ADAM18: variants seen among roughly 807,000 people sequenced by gnomAD.
ADAM18 encodes the protein disintegrin and metalloproteinase domain-containing protein 18.
ADAM18 carries 117 observed loss-of-function variants against 94.4 expected under a neutral mutation model. That is an observed-to-expected ratio of 1.24 (90% CI 1.07 to 1.45). The LOEUF (loss-of-function observed/expected upper bound fraction) is 1.45, where lower values mean the gene tolerates loss of function less well. ADAM18 is among the 40% of genes most tolerant of loss of function. The pLI, the probability that ADAM18 is intolerant of heterozygous loss-of-function variation, is 0.00. For missense variants in ADAM18, 936 were observed against 880.0 expected (o/e 1.06, Z -0.81); for synonymous variants, 327 against 291.6 (o/e 1.12, Z -1.24).
At chr8:39,705,223 C>A (rs113299684) in intron 17 of ADAM18, among the ~76,000 whole-genome samples, 48 of 151,970 alleles carry the variant, frequency 3.2e-4, no homozygotes, top group Non-Finnish European at 6.5e-4. Context: ...AGAATTATTG[C>A]CAGGTTTGTG....
chr8:39,711,147 C>T (rs1050496221), intron 18 of ADAM18, among the ~76,000 whole-genome samples: 18 of 152,134 alleles, frequency 1.2e-4, no homozygotes, highest in African/African-American at 3.6e-4. Context: ...ATTACCTGAA[C>T]AAAAACTCTG....
rs1293727770 is a variant in ADAM18 at position 39,586,793 on chromosome 8, T to TATC, written c.132+1442_132+1444dup. Among the ~76,000 whole-genome samples the TATC allele has an allele frequency of 2.3e-4, 32 of 136,232 alleles. No individual in the cohort carries two copies. The South Asian group carries it at 4.9e-3, about 21-fold the overall frequency. 89.4% of individuals were successfully genotyped at this position (136,232 alleles called of 152,430 possible). On this transcript the variant is annotated intron_variant, in intron 2 of 19. Coordinates refer to ENST00000265707, the MANE Select transcript of ADAM18 (RefSeq NM_014237.3). Reference sequence around the variant, plus strand: ...CTATCTATCTATCTATCTATCTATCTATCTATCTATATCTATCTATCTATC... The same window carrying TATC: ...CTATCTATCTATCTATCTATCTATCTATCATCTATCTATATCTATCTATCTATC...
chr8:39,701,720 A>G lies in ADAM18; in HGVS notation c.1903-5070A>G, dbSNP rs189689367. On this transcript the variant is annotated intron_variant, in intron 17 of 19. Transcript: ENST00000265707. ...TGTTGTCATCATTTCGTTCCCACTT[A>G]TAAGTGAGAACGTGTGGTATTTGAT... 3.0e-3 allele frequency among the ~76,000 whole-genome samples: 459 copies of G among 152,168 alleles called. 2 individuals are homozygous for G. The highest frequency in any genetic ancestry group is 0.011 in the African/African-American group (444 of 41,510).
At chr8:39,649,180 G>A (rs920083431) in intron 12 of ADAM18, among the ~76,000 whole-genome samples, 4 of 151,802 alleles carry the variant, frequency 2.6e-5, no homozygotes, top group Non-Finnish European at 5.9e-5. Context: ...ACAGTTACAC[G>A]AATTCCTCCT....
chr8:39,671,574 T>C (rs1046454946), intron 14 of ADAM18, among the ~76,000 whole-genome samples: 3 of 152,128 alleles, frequency 2.0e-5, no homozygotes, highest in African/African-American at 7.2e-5. Flanking sequence ...GGGGTTCCAA[T>C]TGGGAGAAGA....
intron 16 of ADAM18, among the ~76,000 whole-genome samples, chr8:39,689,708 T>A (rs2129580805): frequency 6.6e-6 from 1 of 152,278 alleles, no homozygotes; most frequent in Non-Finnish European, 1.5e-5. Context: ...AAAGTTGAAA[T>A]AATAGTTTTT....
At chr8:39,604,165 A>G (rs1818993285) in intron 2 of ADAM18, among the ~76,000 whole-genome samples, 1 of 152,190 alleles carries the variant, frequency 6.6e-6, no homozygotes, top group East Asian at 1.9e-4. Context: ...TTGATGTATC[A>G]TCTTTGGAGA....
intron 6 of ADAM18, chr8:39,610,934 TCAAA>T: frequency 8.2e-7 from 1 of 1,222,546 alleles, no homozygotes; most frequent in Non-Finnish European, 1.0e-6. Flanking sequence ...TATATTTTTT[TCAAA>T]CAAAATGATA....
rs36163014 is a variant in ADAM18 at position 39,669,762 on chromosome 8, C to A, written c.1525+1566C>A. 6.5e-3 allele frequency among the ~76,000 whole-genome samples: 996 copies of A among 152,152 alleles called. 10 individuals carry two copies. The highest frequency in any genetic ancestry group is 0.037 in the Middle Eastern group (11 of 294). On this transcript the variant is annotated intron_variant, in intron 14 of 19. Transcript: ENST00000265707. Reference sequence around the variant, plus strand: ...CAAGTCTTTGCTATTGTGAATAGTGCCACTATAAACATGCGTGTGCATGTG... The same window carrying A: ...CAAGTCTTTGCTATTGTGAATAGTGACACTATAAACATGCGTGTGCATGTG...
At chr8:39,636,704 G>A (rs1268650587) in intron 7 of ADAM18, among the ~76,000 whole-genome samples, 1 of 151,520 alleles carries the variant, frequency 6.6e-6, no homozygotes, top group Non-Finnish European at 1.5e-5. Context: ...TGTAGTTCTC[G>A]CTTTGTACAT....
chr8:39,700,847 A>C (rs1438565679), intron 17 of ADAM18, among the ~76,000 whole-genome samples: 6 of 152,012 alleles, frequency 3.9e-5, no homozygotes, highest in Non-Finnish European at 8.8e-5. Context: ...GACCCATATA[A>C]GTTAAAATTT....
At chr8:39,637,008 A>C (rs571288892) in intron 7 of ADAM18, among the ~76,000 whole-genome samples, 2 of 128,836 alleles carry the variant, frequency 1.6e-5, no homozygotes, top group African/African-American at 2.9e-5. Context: ...ATATTTCCGC[A>C]TGTGTGTATT....
At chr8:39,723,473 A>G (rs923181617) in intron 18 of ADAM18, among the ~76,000 whole-genome samples, 11 of 151,634 alleles carry the variant, frequency 7.3e-5, no homozygotes, top group Admixed American at 7.2e-4. Context: ...TACTGTATTA[A>G]CTTGTAAAGT....
chr8:39,660,159 G>T (rs548280227), intron 12 of ADAM18, among the ~76,000 whole-genome samples: 1 of 151,796 alleles, frequency 6.6e-6, no homozygotes, highest in Non-Finnish European at 1.5e-5. Context: ...CAAATCACAA[G>T]GATAAACAAC....
chr8:39,587,923 T>A (rs77940966), intron 2 of ADAM18, among the ~76,000 whole-genome samples: 5 of 152,220 alleles, frequency 3.3e-5, no homozygotes, highest in African/African-American at 1.2e-4. Context: ...CACATTTTCT[T>A]TATGCATTCA....
At chr8:39,674,427 G>C (rs1209937227) in intron 14 of ADAM18, among the ~76,000 whole-genome samples, 2 of 152,084 alleles carry the variant, frequency 1.3e-5, no homozygotes, top group Admixed American at 6.6e-5. Flanking sequence ...TGTTTTATCA[G>C]ATACTAGGAT....
intron 7 of ADAM18, among the ~76,000 whole-genome samples, chr8:39,635,058 G>A (rs1271726011): frequency 6.6e-6 from 1 of 152,132 alleles, no homozygotes; most frequent in Non-Finnish European, 1.5e-5. Context: ...ATGAGATTAA[G>A]GCCCTTATAA....
chr8:39,623,548 TG>T (rs1819676888), intron 6 of ADAM18, among the ~76,000 whole-genome samples: 1 of 152,058 alleles, frequency 6.6e-6, no homozygotes, highest in African/African-American at 2.4e-5. Flanking sequence ...CCATTCTGGC[TG>T]GGATAAAGTG....
At position 39,730,034 on chromosome 8, in the gene ADAM18, C is replaced by T; in HGVS notation, c.*94C>T. On this transcript the variant is annotated 3_prime_UTR_variant, in exon 20 of 20. Coordinates refer to ENST00000265707, the MANE Select transcript of ADAM18 (RefSeq NM_014237.3). ...TCCCCAATGCATTGTAAATGTCAAA[C>T]TTTTGGAAAATAAAGCCTGCGTGCC... 7.4e-7 allele frequency: 1 copy of T among 1,347,498 alleles called. No homozygotes were observed. 83.5% of individuals were successfully genotyped at this position (1,347,498 alleles called of 1,614,324 possible).
Sources: allele counts gnomAD v4.1 joint callset (sites outside exome capture counted in the v4.1 genomes callset), GRCh38; gene constraint gnomAD v4.1.1; transcripts MANE v1.5; gene names NCBI Gene and HGNC (gene_info 2026-07-23, HGNC 2026-07-21).